ADCK2: variants seen among roughly 807,000 people sequenced by gnomAD.
ADCK2 encodes uncharacterized aarF domain-containing protein kinase 2.
Under a neutral mutation model 52.3 loss-of-function variants are expected in ADCK2, and 37 were observed. The observed-to-expected ratio is 0.71, with a 90% CI of 0.54 to 0.93. The LOEUF (loss-of-function observed/expected upper bound fraction) is 0.93, where lower values mean the gene tolerates loss of function less well. Among genes scored for constraint, ADCK2 ranks in the 40% least tolerant of loss-of-function variants. The pLI is 0.00. For missense variants in ADCK2, 695 were observed against 798.7 expected (o/e 0.87, Z 1.56); for synonymous variants, 321 against 349.2 (o/e 0.92, Z 0.90).
Position 140,681,179 on chromosome 7 carries a change from C to T in ADCK2, c.1305+42C>T, listed in dbSNP as rs751838765. On this transcript the variant is annotated intron_variant, in intron 4 of 7. Coordinates refer to ENST00000072869, the MANE Select transcript of ADCK2 (RefSeq NM_052853.4). ...AGCGGGCTCAGGCCCAGCATGTGGTCAGCTTGCAGATGGGGAGTGGGCTGG... is the reference window on the plus strand; with the variant it reads ...AGCGGGCTCAGGCCCAGCATGTGGTTAGCTTGCAGATGGGGAGTGGGCTGG... 5 of 1,593,446 alleles carry T rather than the reference C, an allele frequency of 3.1e-6. No individual in the cohort carries two copies. In the East Asian group the frequency reaches 1.1e-4, roughly 36 times the overall value.
rs968462082 is a variant in ADCK2 at position 140,673,799 on chromosome 7, G to A, written c.469G>A (p.Asp157Asn). The part of the protein sequence containing the change: ...KLGQWASTRR[D>N]LFSEAFCAQF... ...GGGCCAGTGGGCCAGCACCCGGCGC[G>A]ATCTGTTTTCGGAGGCTTTCTGTGC... is the stretch of plus-strand genomic sequence containing the variant. The change falls in exon 1 of 8, where the codon GAT becomes AAT. Residue 157 changes from aspartate (D) to asparagine (N), a missense_variant. Transcript: ENST00000072869. This position sits in a 1 kb window ranked among gnomAD's most constrained non-coding sequence, Gnocchi z 6.4. 5 of 1,613,562 alleles carry A rather than the reference G, an allele frequency of 3.1e-6. No individual in the cohort carries two copies. The highest frequency in any genetic ancestry group is 3.3e-5 in the Admixed American group (2 of 59,940).
chr7:140,681,225 G>A (rs1794510265), intron 4 of ADCK2, 88 bp downstream of exon 4: 2 of 1,250,148 alleles, frequency 1.6e-6, no homozygotes, highest in Admixed American at 3.7e-5. Flanking sequence ...ATCTGGGTGG[G>A]AAGGAGAGCG....
chr7:140,687,350 G>A (rs1438690381), intron 5 of ADCK2, 109 bp downstream of exon 5: 20 of 1,396,596 alleles, frequency 1.4e-5, no homozygotes, highest in South Asian at 1.3e-4. Flanking sequence ...AAGCCTGAGC[G>A]GGGAGGATTG....
At position 140,674,505 on chromosome 7, in the gene ADCK2, T is replaced by G. The variant is rs73491632; in HGVS notation, c.934-106T>G. 0.015 allele frequency: 21,486 copies of G among 1,397,248 alleles called. 2,651 individuals carry two copies. In the African/African-American group the frequency reaches 0.27, roughly 17 times the overall value. The allele number at this position is 1,397,248 out of a possible 1,614,324, so 86.6% of individuals were successfully genotyped here. On this transcript the variant is annotated intron_variant, in intron 1 of 7. Coordinates refer to ENST00000072869, the MANE Select transcript of ADCK2 (RefSeq NM_052853.4). This position sits in a 1 kb window ranked among gnomAD's most constrained non-coding sequence, Gnocchi z 4.6. ...GTGTCGGGACCACATCCTCTTTTCT[T>G]TGATAAGAAGCCACCTGGCTCTTGC...
rs763551380 is a variant in ADCK2, at chr7:140,673,321, C to T, written c.-10C>T. On this transcript the variant is annotated 5_prime_UTR_variant, in exon 1 of 8. Coordinates refer to ENST00000072869, the MANE Select transcript of ADCK2 (RefSeq NM_052853.4). The surrounding 1 kb of genome is among the most constrained non-coding windows in gnomAD (Gnocchi z 6.4). ...GAGGGCGGGCCGCCTGGGCCGCGGG[C>T]CTCGGGAGGATGGTGGCGCCCTGGC... is the stretch of plus-strand genomic sequence containing the variant. 6 of 1,436,782 alleles carry T rather than the reference C, an allele frequency of 4.2e-6. No individual in the cohort carries two copies. The African/African-American group carries it at 7.3e-5, about 18-fold the overall frequency. The allele number at this position is 1,436,782 out of a possible 1,614,324, so 89.0% of individuals were successfully genotyped here. A position where few individuals can be genotyped will look rare whatever the true frequency, so the allele number is the denominator to read the frequency against.
chr7:140,687,935 G>A (rs1027021768), intron 5 of ADCK2, among the ~76,000 whole-genome samples: 35 of 149,842 alleles, frequency 2.3e-4, no homozygotes, highest in Non-Finnish European at 1.8e-4. Flanking sequence ...GCTATATTGC[G>A]CAGGCTGCCT....
Position 140,674,803 on chromosome 7 carries a change from T to C in ADCK2, c.1080+46T>C, listed in dbSNP as rs767531009. 6.3e-7 allele frequency: 1 copy of C among 1,582,726 alleles called. No homozygotes were observed. The highest frequency in any genetic ancestry group is 1.1e-5 in the South Asian group (1 of 87,540). On this transcript the variant is annotated intron_variant, in intron 2 of 7. Coordinates refer to ENST00000072869, the MANE Select transcript of ADCK2 (RefSeq NM_052853.4). This position sits in a 1 kb window ranked among gnomAD's most constrained non-coding sequence, Gnocchi z 4.6. ...CTGTAAATAGCACCTAACATAGTTC[T>C]TGCCATTAGCTGCTACTTAGTAAAT...
Position 140,687,212 on chromosome 7 carries a change from G to T in ADCK2, c.1528G>T (p.Ala510Ser), listed in dbSNP as rs1340717461. Residue 510 changes from alanine to serine, a missense_variant, in exon 5 of 8, where the codon GCA becomes TCA. Physicochemically the swap from Ala to Ser is moderately conservative, Grantham distance 99 (BLOSUM62 1). Coordinates refer to ENST00000072869, the MANE Select transcript of ADCK2 (RefSeq NM_052853.4). ...LQAPDLRNFR[A>S]VFMAVVMGQG... ...GGCCCCTGACCTGAGGAATTTCCGG[G>T]CAGTTTTCATGGCTGTGGTGATGGG... 1 of 1,577,532 alleles carries T rather than the reference G, an allele frequency of 6.3e-7. No homozygotes were observed. Among genetic ancestry groups the T allele is most frequent in the South Asian group, 1.1e-5 (1 of 87,654 alleles).
chr7:140,694,581 G>A (rs1276045731), intron 7 of ADCK2, 82 bp from the exon 8 acceptor site: 20 of 1,394,648 alleles, frequency 1.4e-5, no homozygotes, highest in Non-Finnish European at 1.6e-5. Flanking sequence ...GAGGCTGAGA[G>A]TGGACAGCAA....
At position 140,687,221 on chromosome 7, in the gene ADCK2, A is replaced by T. The variant is rs1262909690; in HGVS notation, c.1537A>T (p.Met513Leu). The change falls in exon 5 of 8, where the codon ATG becomes TTG. Residue 513 changes from methionine to leucine, a missense_variant. By Grantham distance (15) the Met-to-Leu change is conservative. Coordinates refer to ENST00000072869, the MANE Select transcript of ADCK2 (RefSeq NM_052853.4). ...PDLRNFRAVF[M>L]AVVMGQGQRV... ...CCTGAGGAATTTCCGGGCAGTTTTCATGGCTGTGGTGATGGGGCAGGTGAG... is the reference window on the plus strand; with the variant it reads ...CCTGAGGAATTTCCGGGCAGTTTTCTTGGCTGTGGTGATGGGGCAGGTGAG... 6.4e-7 allele frequency: 1 copy of T among 1,571,942 alleles called. No homozygotes were observed. Among genetic ancestry groups the T allele is most frequent in the Non-Finnish European group, 8.6e-7 (1 of 1,156,740 alleles).
chr7:140,691,483 C>T (rs1392065308), intron 7 of ADCK2, among the ~76,000 whole-genome samples: 5 of 151,924 alleles, frequency 3.3e-5, no homozygotes, highest in South Asian at 2.1e-4. Context: ...GTCCAGAGGC[C>T]GCTCTAGAGG....
intron 4 of ADCK2, among the ~76,000 whole-genome samples, chr7:140,683,977 C>T (rs1228017385): frequency 1.3e-5 from 2 of 152,106 alleles, no homozygotes; most frequent in East Asian, 1.9e-4. Flanking sequence ...GAGTAGGATG[C>T]AGAGGGCCAT....
chr7:140,678,617 C>T lies in ADCK2; in HGVS notation c.1081-538C>T, dbSNP rs947773226. ...CCATCACGGAGAGACAGGTCAGCAG[C>T]GGCACCAGCCCTGGATGCCCACAGA... On this transcript the variant is annotated intron_variant, in intron 2 of 7. Transcript: ENST00000072869. The surrounding 1 kb of genome is among the most constrained non-coding windows in gnomAD (Gnocchi z 4.9). Among the ~76,000 whole-genome samples, 9 of 152,150 alleles carry T rather than the reference C, an allele frequency of 5.9e-5. No individual in the cohort carries two copies. Among genetic ancestry groups the T allele is most frequent in the East Asian group, 3.9e-4 (2 of 5,184 alleles).
rs964819992 is a variant in ADCK2 at position 140,683,022 on chromosome 7, G to T, written c.1305+1885G>T. ...TCAAAAAAAAAAAAAAAAAAAAAAA[G>T]CCAGGCGCAGTGGCTCATGCCTGTA... On this transcript the variant is annotated intron_variant, in intron 4 of 7. Transcript: ENST00000072869. Among the ~76,000 whole-genome samples, 3 of 113,256 alleles carry T rather than the reference G, an allele frequency of 2.6e-5. No homozygotes were observed. In the South Asian group the frequency reaches 8.9e-4, roughly 34 times the overall value. The allele number at this position is 113,256 out of a possible 152,430, so 74.3% of individuals were successfully genotyped here.
At chr7:140,680,454 AT>A (rs764772839) in intron 3 of ADCK2, among the ~76,000 whole-genome samples, 3,505 of 142,904 alleles carry the variant, frequency 0.025, 108 homozygotes, top group African/African-American at 0.077. Context: ...CACCTGGGTA[AT>A]TTTTTTTTTT....
chr7:140,673,591 G>T lies in ADCK2; in HGVS notation c.261G>T (p.Ala87=). The change falls in exon 1 of 8, where the codon GCG becomes GCT. Residue 87 remains alanine, a synonymous_variant. Coordinates refer to ENST00000072869, the MANE Select transcript of ADCK2 (RefSeq NM_052853.4). The surrounding 1 kb of genome is among the most constrained non-coding windows in gnomAD (Gnocchi z 6.4). ...GAGPAESLPR[A]GPLGGVFLHL... ...GGCCCGCGGAGAGCCTCCCCCGAGC[G>T]GGACCTCTGGGCGGCGTCTTCCTGC... 1.2e-6 allele frequency: 2 copies of T among 1,606,272 alleles called. No homozygotes were observed. The highest frequency in any genetic ancestry group is 1.7e-6 in the Non-Finnish European group (2 of 1,179,466).
chr7:140,674,520 C>T lies in ADCK2; in HGVS notation c.934-91C>T. 2.7e-6 allele frequency: 4 copies of T among 1,472,320 alleles called. No homozygotes were observed. The highest frequency in any genetic ancestry group is 3.6e-6 in the Non-Finnish European group (4 of 1,096,596). The allele number at this position is 1,472,320 out of a possible 1,614,324, so 91.2% of individuals were successfully genotyped here. On this transcript the variant is annotated intron_variant, in intron 1 of 7. Coordinates refer to ENST00000072869, the MANE Select transcript of ADCK2 (RefSeq NM_052853.4). The surrounding 1 kb of genome is among the most constrained non-coding windows in gnomAD (Gnocchi z 4.6). ...CCTCTTTTCTTTGATAAGAAGCCAC[C>T]TGGCTCTTGCTTGGATGGTGGGACC...
At position 140,673,526 on chromosome 7, in the gene ADCK2, A is replaced by G. The variant is rs2968558; in HGVS notation, c.196A>G (p.Ser66Gly). 228,828 of 1,599,324 alleles carry G rather than the reference A, an allele frequency of 0.14. 27,886 individuals are homozygous for G. The highest frequency in any genetic ancestry group is 0.64 in the African/African-American group (47,855 of 74,644). The change falls in exon 1 of 8, where the codon AGT (serine) becomes GGT (glycine). Residue 66 changes from serine to glycine, a missense_variant. Ser to Gly is a moderately conservative substitution (Grantham distance 56). Coordinates refer to ENST00000072869, the MANE Select transcript of ADCK2 (RefSeq NM_052853.4). The surrounding 1 kb of genome is among the most constrained non-coding windows in gnomAD (Gnocchi z 6.4). ...DVGEGAPDVLSRRRVRCSGAA... is the reference protein window; with the variant it reads ...DVGEGAPDVLGRRRVRCSGAA... ...GGGTGAGGGGGCCCCTGACGTTCTG[A>G]GTCGGCGAAGGGTCCGCTGCAGCGG... is the stretch of plus-strand genomic sequence containing the variant.
intron 5 of ADCK2, among the ~76,000 whole-genome samples, chr7:140,689,259 C>T (rs1309248453): frequency 6.6e-6 from 1 of 152,116 alleles, no homozygotes; most frequent in African/African-American, 2.4e-5. Context: ...TGAGCCACTG[C>T]ATCTGGCTCT....
Sources: gnomAD v4.1 joint callset for allele counts (sites outside exome capture counted in the v4.1 genomes callset) on GRCh38, gnomAD v4.1.1 for gene constraint, Gnocchi (gnomAD v3.1) non-coding constraint, MANE v1.5 for transcripts, NCBI Gene and HGNC (gene_info 2026-07-23, HGNC 2026-07-21) for gene names.